CKAP5: variants seen among roughly 807,000 people sequenced by gnomAD.
CKAP5 encodes the protein cytoskeleton associated protein 5, also known as cytoskeleton-associated protein 5.
A neutral mutation model predicts 232.8 loss-of-function variants in CKAP5; 27 were observed. The observed-to-expected ratio is 0.12, with a 90% CI of 0.09 to 0.16. CKAP5 has a LOEUF of 0.16. Ranked by LOEUF, CKAP5 falls within the 10% of genes least tolerant of loss-of-function variation. CKAP5 has a pLI of 1.00. For missense variants in CKAP5, 1,838 were observed against 2,424.7 expected, an observed-to-expected ratio of 0.76 and a Z score of 5.08; for synonymous variants, 785 against 841.1, an observed-to-expected ratio of 0.93 and a Z score of 1.16.
intron 40 of CKAP5, among the ~76,000 whole-genome samples, chr11:46,750,890 G>A (rs2065059537): frequency 6.6e-6 from 1 of 152,162 alleles, no homozygotes; most frequent in Non-Finnish European, 1.5e-5. Flanking sequence ...GGTGACCAAT[G>A]CCTTAGGCAT....
At chr11:46,827,555 T>C (rs909305901) in intron 1 of CKAP5, among the ~76,000 whole-genome samples, 3 of 152,088 alleles carry the variant, frequency 2.0e-5, no homozygotes, top group African/African-American at 7.2e-5. Context: ...AGCCCAGGAC[T>C]AGGCTGCAGT....
Position 46,809,835 on chromosome 11 carries a change from T to C in CKAP5, c.670A>G (p.Ser224Gly), listed in dbSNP as rs1483685022. 13 of 1,612,926 alleles carry C rather than the reference T, an allele frequency of 8.1e-6. No homozygotes were observed. The highest frequency in any genetic ancestry group is 1.1e-5 in the Non-Finnish European group (13 of 1,179,722). ...AGAAATCGAGTAGGTCTAGGAGCAC[T>C]TGTTGGCAGTTTGACCCATTCTTCT... ...LEEEWVKLPTSAPRPTRFLRS... is the reference protein window; with the variant it reads ...LEEEWVKLPTGAPRPTRFLRS... Residue 224 changes from serine to glycine, a missense_variant, in exon 6 of 44, where the codon AGT becomes GGT. Physicochemically the swap from Ser to Gly is moderately conservative, Grantham distance 56 (BLOSUM62 0). Transcript: ENST00000529230.
At chr11:46,794,719 C>T (rs1938828417) in intron 13 of CKAP5, among the ~76,000 whole-genome samples, 1 of 152,090 alleles carries the variant, frequency 6.6e-6, no homozygotes, top group Non-Finnish European at 1.5e-5. Flanking sequence ...CCCTGTCATC[C>T]TAGCTACTTG....
At chr11:46,776,232 C>G in intron 24 of CKAP5, 23 bp downstream of exon 24, 1 of 1,609,618 alleles carries the variant, frequency 6.2e-7, no homozygotes, top group Non-Finnish European at 8.5e-7. Context: ...GAGTAATGCA[C>G]ATGATTAATT....
At chr11:46,838,665 A>T (rs1406099177) in intron 1 of CKAP5, among the ~76,000 whole-genome samples, 1 of 145,450 alleles carries the variant, frequency 6.9e-6, no homozygotes, top group Non-Finnish European at 1.5e-5. Context: ...GTGTGGTGGC[A>T]CTCGCCTGTA....
chr11:46,753,559 G>A, intron 36 of CKAP5, 62 bp from the exon 37 acceptor site: 2 of 1,196,718 alleles, frequency 1.7e-6, no homozygotes, highest in African/African-American at 1.6e-5. Flanking sequence ...AAGAAATGTG[G>A]GTGGCATATT....
intron 42 of CKAP5, among the ~76,000 whole-genome samples, chr11:46,748,601 C>T (rs1487928092): frequency 6.6e-6 from 1 of 151,870 alleles, no homozygotes; most frequent in South Asian, 2.1e-4. Flanking sequence ...GGTGAAACCC[C>T]GTCTCTACTA....
Position 46,805,793 on chromosome 11 carries a change from G to T in CKAP5, c.978+2238C>A, listed in dbSNP as rs188411021. ...TCTACTAAAAACACAAAAATTAGCT[G>T]GGTGTGATGGCAAGTGCCTATAAAT... is the stretch of plus-strand genomic sequence containing the variant. On this transcript the variant is annotated intron_variant, in intron 8 of 43. Coordinates refer to ENST00000529230, the MANE Select transcript of CKAP5 (RefSeq NM_001008938.4). Among the ~76,000 whole-genome samples the T allele has an allele frequency of 2.0e-5, 3 of 152,244 alleles. No individual in the cohort carries two copies. In the East Asian group the frequency reaches 5.8e-4, roughly 29 times the overall value.
chr11:46,760,827 T>TA, intron 32 of CKAP5, 43 bp from the exon 33 acceptor site: 1 of 1,529,182 alleles, frequency 6.5e-7, no homozygotes, highest in Non-Finnish European at 9.0e-7. Flanking sequence ...GATAACACAA[T>TA]AATATCTATT....
intron 1 of CKAP5, among the ~76,000 whole-genome samples, chr11:46,836,045 C>A (rs1457654819): frequency 6.6e-6 from 1 of 152,182 alleles, no homozygotes; most frequent in Non-Finnish European, 1.5e-5. Flanking sequence ...AAACAACTGA[C>A]TAGTACTCCT....
At chr11:46,845,503 A>T (rs1012124808) in intron 1 of CKAP5, among the ~76,000 whole-genome samples, 1 of 152,208 alleles carries the variant, frequency 6.6e-6, no homozygotes, top group African/African-American at 2.4e-5. Context: ...CTCAACAATT[A>T]CCACGATTAC....
At position 46,753,832 on chromosome 11, in the gene CKAP5, T is replaced by C. The variant is rs184517694; in HGVS notation, c.4870-335A>G. On this transcript the variant is annotated intron_variant, in intron 36 of 43. Coordinates refer to ENST00000529230, the MANE Select transcript of CKAP5 (RefSeq NM_001008938.4). ...TGGTCTCGATCTCCTGACTTCGTGA[T>C]CCACCTGCCTTGGCCTCCTGAAGTG... Among the ~76,000 whole-genome samples the C allele has an allele frequency of 5.9e-3, 897 of 152,068 alleles. 7 individuals carry two copies. The highest frequency in any genetic ancestry group is 0.021 in the African/African-American group (868 of 41,490).
intron 28 of CKAP5, 45 bp from the exon 29 acceptor site, chr11:46,763,675 GA>G: frequency 7.1e-7 from 1 of 1,399,746 alleles, no homozygotes. Context: ...GTGTTCAACT[GA>G]AATGAGGTAG....
intron 1 of CKAP5, among the ~76,000 whole-genome samples, chr11:46,839,082 A>G (rs766786068): frequency 1.3e-5 from 2 of 152,210 alleles, no homozygotes; most frequent in African/African-American, 2.4e-5. Flanking sequence ...GAGAAAATCT[A>G]ACAATATATA....
chr11:46,784,819 C>CA (rs2065376935), intron 16 of CKAP5, 146 bp from the exon 17 acceptor site: 1 of 521,102 alleles, frequency 1.9e-6, no homozygotes, highest in South Asian at 3.4e-5. Flanking sequence ...AACAAATATG[C>CA]AAAATAATTT....
intron 13 of CKAP5, among the ~76,000 whole-genome samples, chr11:46,793,260 G>A (rs1254348355): frequency 6.6e-6 from 1 of 152,160 alleles, no homozygotes; most frequent in African/African-American, 2.4e-5. Context: ...CATTATAAAG[G>A]CAAAGTGTTT....
intron 40 of CKAP5, 144 bp downstream of exon 40, chr11:46,750,974 G>A: frequency 1.1e-6 from 1 of 934,264 alleles, no homozygotes; most frequent in South Asian, 1.7e-5. Context: ...AATGGTTACT[G>A]CACCACAGCA....
chr11:46,794,338 C>T (rs1158914904), intron 13 of CKAP5, among the ~76,000 whole-genome samples: 2 of 152,226 alleles, frequency 1.3e-5, no homozygotes, highest in East Asian at 1.9e-4. Context: ...GTGGCACGTG[C>T]TTCTGGTCCC....
chr11:46,801,604 A>AG (rs1337583435), intron 8 of CKAP5, among the ~76,000 whole-genome samples: 1 of 152,042 alleles, frequency 6.6e-6, no homozygotes, highest in Non-Finnish European at 1.5e-5. Flanking sequence ...TGGGAGGCGG[A>AG]GGCTGCAGTG....
Sources: allele counts gnomAD v4.1 joint callset (sites outside exome capture counted in the v4.1 genomes callset), GRCh38; gene constraint gnomAD v4.1.1; transcripts MANE v1.5; gene names NCBI Gene and HGNC (gene_info 2026-07-23, HGNC 2026-07-21).